The following UBASH3B variants were observed in gnomAD, a reference collection of about 807,000 sequenced individuals.
UBASH3B encodes ubiquitin-associated and SH3 domain-containing protein B.
In UBASH3B, 37 loss-of-function variants were observed where a neutral mutation model predicts 83.4. That is an observed-to-expected ratio of 0.44 (90% CI 0.34 to 0.58). The LOEUF (loss-of-function observed/expected upper bound fraction) is 0.58, where lower values mean the gene tolerates loss of function less well. Among genes scored for constraint, UBASH3B ranks in the 20% least tolerant of loss-of-function variants. UBASH3B has a pLI of 0.01. For missense variants in UBASH3B, 657 were observed against 827.2 expected, an observed-to-expected ratio of 0.79 and a Z score of 2.52; for synonymous variants, 304 against 318.3, an observed-to-expected ratio of 0.96 and a Z score of 0.48.
chr11:122,666,358 G>A (rs1033127501), intron 1 of UBASH3B, among the ~76,000 whole-genome samples: 7 of 152,018 alleles, frequency 4.6e-5, no homozygotes, highest in Admixed American at 3.3e-4. Flanking sequence ...ATGCAGGGTC[G>A]CTGGAGTTCT....
intron 1 of UBASH3B, among the ~76,000 whole-genome samples, chr11:122,769,042 A>G (rs1381309874): frequency 6.6e-6 from 1 of 152,174 alleles, no homozygotes; most frequent in African/African-American, 2.4e-5. Flanking sequence ...CATTTTTATT[A>G]CTATAAAGGA....
At chr11:122,707,118 G>A (rs1179170109) in intron 1 of UBASH3B, among the ~76,000 whole-genome samples, 2 of 152,076 alleles carry the variant, frequency 1.3e-5, no homozygotes, top group East Asian at 3.8e-4. Context: ...ATTTTTGCTG[G>A]AGAAAATTAA....
At chr11:122,669,229 G>A (rs577351023) in intron 1 of UBASH3B, among the ~76,000 whole-genome samples, 9 of 152,246 alleles carry the variant, frequency 5.9e-5, no homozygotes, top group African/African-American at 2.2e-4. Flanking sequence ...TAACGTCAAC[G>A]CGTCAATAGA....
At chr11:122,782,833 C>A (rs762921028) in intron 4 of UBASH3B, 24 of 540,074 alleles carry the variant, frequency 4.4e-5, no homozygotes, top group Non-Finnish European at 6.8e-5. Context: ...TAGAGGAAAG[C>A]CGTATGGTGG....
chr11:122,777,945 G>A (rs1305001645), intron 3 of UBASH3B, among the ~76,000 whole-genome samples: 1 of 151,858 alleles, frequency 6.6e-6, no homozygotes, highest in Non-Finnish European at 1.5e-5. Flanking sequence ...GGCCAGGCTG[G>A]TCTTGAACTC....
intron 1 of UBASH3B, among the ~76,000 whole-genome samples, chr11:122,698,780 C>T (rs1054065434): frequency 2.0e-5 from 3 of 152,220 alleles, no homozygotes; most frequent in Admixed American, 6.5e-5. Context: ...TCAGTACGGT[C>T]ATTAATGTTC....
At chr11:122,707,030 T>C (rs192206730) in intron 1 of UBASH3B, among the ~76,000 whole-genome samples, 1 of 152,304 alleles carries the variant, frequency 6.6e-6, no homozygotes, top group East Asian at 1.9e-4. Context: ...TGGTACCCTT[T>C]CTACTTTTTT....
At chr11:122,702,447 G>A (rs1864052751) in intron 1 of UBASH3B, among the ~76,000 whole-genome samples, 1 of 151,922 alleles carries the variant, frequency 6.6e-6, no homozygotes, top group Admixed American at 6.6e-5. Context: ...GGAGATTTCA[G>A]AGAACCCTAG....
At chr11:122,693,385 G>A (rs1036047766) in intron 1 of UBASH3B, among the ~76,000 whole-genome samples, 1 of 152,174 alleles carries the variant, frequency 6.6e-6, no homozygotes, top group Non-Finnish European at 1.5e-5. Flanking sequence ...TGAGAAGAAC[G>A]TCTATTCTCC....
Position 122,737,537 on chromosome 11 carries a change from G to A in UBASH3B, c.162-38682G>A, listed in dbSNP as rs116547103. ...TGAGGTAGATGCTCAGTAAGAATGA[G>A]GAGCGTCGCTAAAGCCCCACCTTCT... On this transcript the variant is annotated intron_variant, in intron 1 of 13. Transcript: ENST00000284273. Among the ~76,000 whole-genome samples the A allele has an allele frequency of 2.1e-3, 321 of 152,128 alleles. 1 individual carries two copies. Among genetic ancestry groups the A allele is most frequent in the African/African-American group, 7.4e-3 (307 of 41,510 alleles).
chr11:122,714,776 A>G (rs992763760), intron 1 of UBASH3B, among the ~76,000 whole-genome samples: 3 of 152,190 alleles, frequency 2.0e-5, no homozygotes, highest in Admixed American at 1.3e-4. Context: ...ATGGTGTTGA[A>G]GAACAGAGGT....
chr11:122,768,403 G>C (rs1209903391), intron 1 of UBASH3B, among the ~76,000 whole-genome samples: 3 of 151,044 alleles, frequency 2.0e-5, no homozygotes, highest in African/African-American at 7.3e-5. Context: ...TTTGGGTACT[G>C]AATCATGTAT....
intron 1 of UBASH3B, among the ~76,000 whole-genome samples, chr11:122,714,898 C>T (rs116427186): frequency 0.13 from 19,325 of 152,088 alleles, 1,369 homozygotes; most frequent in African/African-American, 0.18. Flanking sequence ...TTTTAGTACC[C>T]ATGTCATAGA....
intron 1 of UBASH3B, among the ~76,000 whole-genome samples, chr11:122,681,522 C>T (rs987949115): frequency 6.6e-6 from 1 of 152,096 alleles, no homozygotes; most frequent in African/African-American, 2.4e-5. Flanking sequence ...AGTAGGTCCT[C>T]GGGGAACATG....
At chr11:122,735,310 G>C (rs1026145125) in intron 1 of UBASH3B, among the ~76,000 whole-genome samples, 3 of 152,154 alleles carry the variant, frequency 2.0e-5, no homozygotes, top group Admixed American at 6.5e-5. Flanking sequence ...GAAATTTACA[G>C]TCCCGAACAT....
At position 122,756,292 on chromosome 11, in the gene UBASH3B, CTTGCACAT is replaced by C. The variant is rs1465804998; in HGVS notation, c.162-19923_162-19916del. ...TAGAGCCAGTAACTGGATTCTTACC[CTTGCACAT>C]TTGTAAGCTGAAGCTTAATACTGCC... On this transcript the variant is annotated intron_variant, in intron 1 of 13. Coordinates refer to ENST00000284273, the MANE Select transcript of UBASH3B (RefSeq NM_032873.5). 2.6e-5 allele frequency among the ~76,000 whole-genome samples: 4 copies of C among 152,346 alleles called. No homozygotes were observed. The South Asian group carries it at 8.3e-4, about 32-fold the overall frequency.
At chr11:122,744,653 A>T (rs1054296173) in intron 1 of UBASH3B, among the ~76,000 whole-genome samples, 1 of 151,890 alleles carries the variant, frequency 6.6e-6, no homozygotes, top group Non-Finnish European at 1.5e-5. Context: ...ACGCAAGTGT[A>T]TGATCAAATG....
chr11:122,737,062 C>A (rs908815274), intron 1 of UBASH3B, among the ~76,000 whole-genome samples: 1 of 152,042 alleles, frequency 6.6e-6, no homozygotes, highest in Non-Finnish European at 1.5e-5. Flanking sequence ...AAATGTGGCA[C>A]GTTCAAGGAA....
intron 1 of UBASH3B, among the ~76,000 whole-genome samples, chr11:122,745,049 G>A (rs576994064): frequency 6.6e-6 from 1 of 152,314 alleles, no homozygotes; most frequent in East Asian, 1.9e-4. Context: ...GAGCCCGTCT[G>A]CCTGAGTGGC....
Sources: allele counts gnomAD v4.1 joint callset (sites outside exome capture counted in the v4.1 genomes callset), GRCh38; gene constraint gnomAD v4.1.1; transcripts MANE v1.5; gene names NCBI Gene and HGNC (gene_info 2026-07-23, HGNC 2026-07-21).